The following DENR variants were observed in gnomAD, a reference collection of about 807,000 sequenced individuals.
DENR encodes the protein density regulated re-initiation and release factor.
In DENR, 6 loss-of-function variants were observed where a neutral mutation model predicts 30.6. The observed-to-expected ratio is 0.20, with a 90% CI of 0.11 to 0.39. The LOEUF (loss-of-function observed/expected upper bound fraction) is 0.39, where lower values mean the gene tolerates loss of function less well. Ranked by LOEUF, DENR falls within the 10% of genes least tolerant of loss-of-function variation. DENR has a pLI of 1.00. For synonymous variants in DENR, 78 were observed against 72.1 expected (o/e 1.08, Z -0.41); for missense variants, 141 against 230.9 (o/e 0.61, Z 2.52).
intron 2 of DENR, 177 bp downstream of exon 2, chr12:122,753,984 ATTTGTGTCTG>A: frequency 1.6e-6 from 1 of 628,954 alleles, no homozygotes; most frequent in Non-Finnish European, 2.9e-6. Flanking sequence ...CACCTGGGTG[ATTTGTGTCTG>A]GCTACTCTGC....
intron 2 of DENR, among the ~76,000 whole-genome samples, chr12:122,757,712 G>A (rs185495278): frequency 6.6e-6 from 1 of 152,286 alleles, no homozygotes; most frequent in East Asian, 1.9e-4. Flanking sequence ...TGGACCATGG[G>A]CTGGTAGGAG....
chr12:122,769,226 A>G lies in DENR; in HGVS notation c.*148A>G, dbSNP rs1878940625. 1.2e-6 allele frequency: 1 copy of G among 834,530 alleles called. No homozygotes were observed. Among genetic ancestry groups the G allele is most frequent in the Non-Finnish European group, 1.5e-6 (1 of 657,220 alleles). 51.7% of individuals were successfully genotyped at this position (834,530 alleles called of 1,614,324 possible). ...TATACACATATACACATGTATATAT[A>G]CATGTGTGTATGTATACATGTATAT... On this transcript the variant is annotated 3_prime_UTR_variant, in exon 8 of 8. Transcript: ENST00000280557.
chr12:122,753,002 G>A (rs1878448543), intron 1 of DENR, 52 bp downstream of exon 1: 2 of 152,814 alleles, frequency 1.3e-5, no homozygotes, highest in South Asian at 4.1e-4. Context: ...AGAGAGTGTG[G>A]GGGAAGCTGA....
intron 4 of DENR, among the ~76,000 whole-genome samples, chr12:122,764,143 A>G (rs1032022236): frequency 1.3e-5 from 2 of 152,174 alleles, no homozygotes; most frequent in African/African-American, 4.8e-5. Context: ...GAAGGACCGG[A>G]GAAGAGTTTG....
rs1879009167 is a variant in DENR, at chr12:122,770,567, A to T, written c.*1489A>T. 7.5e-6 allele frequency: 3 copies of T among 398,422 alleles called. No homozygotes were observed. The Admixed American group carries it at 1.3e-4, about 18-fold the overall frequency. The allele number at this position is 398,422 out of a possible 1,614,324, so 24.7% of individuals were successfully genotyped here. On this transcript the variant is annotated 3_prime_UTR_variant, in exon 8 of 8. Coordinates refer to ENST00000280557, the MANE Select transcript of DENR (RefSeq NM_003677.5). ...TATAGTCCTGGAAATAGCAATTGAA[A>T]CATGTCTTCTCACAAGAGAAAATGA...
At position 122,769,241 on chromosome 12, in the gene DENR, T is replaced by TACACATATAC. The variant is rs1566061521; in HGVS notation, c.*166_*167insCATATACACA. 1.3e-4 allele frequency: 81 copies of TACACATATAC among 637,016 alleles called. No homozygotes were observed. The highest frequency in any genetic ancestry group is 8.4e-4 in the Admixed American group (6 of 7,140). 39.5% of individuals were successfully genotyped at this position (637,016 alleles called of 1,614,324 possible). On this transcript the variant is annotated 3_prime_UTR_variant, in exon 8 of 8. Coordinates refer to ENST00000280557, the MANE Select transcript of DENR (RefSeq NM_003677.5). ...ATGTATATATACATGTGTGTATGTA[T>TACACATATAC]ACATGTATATATATATACATACACA...
chr12:122,768,672 A>G (rs1593765108), intron 6 of DENR, 110 bp from the exon 7 acceptor site: 2 of 1,004,318 alleles, frequency 2.0e-6, no homozygotes, highest in East Asian at 2.6e-5. Context: ...TATAAAACCC[A>G]TTAACAATCT....
chr12:122,759,695 T>C (rs1878644500), intron 2 of DENR, among the ~76,000 whole-genome samples: 1 of 151,992 alleles, frequency 6.6e-6, no homozygotes. Context: ...CACTCCAGCC[T>C]GGGCAACAGA....
At chr12:122,767,364 T>A (rs906508150) in intron 5 of DENR, 124 bp from the exon 6 acceptor site, 2 of 618,292 alleles carry the variant, frequency 3.2e-6, no homozygotes, top group Non-Finnish European at 5.4e-6. Flanking sequence ...AATACTTGGA[T>A]GTGTTTAGTA....
chr12:122,762,082 G>T, intron 2 of DENR, 105 bp from the exon 3 acceptor site: 1 of 753,528 alleles, frequency 1.3e-6, no homozygotes, highest in Non-Finnish European at 2.0e-6. Flanking sequence ...TAGGGAAAAT[G>T]TAAAAATGAA....
At chr12:122,755,000 A>G (rs1238551347) in intron 2 of DENR, among the ~76,000 whole-genome samples, 3 of 152,246 alleles carry the variant, frequency 2.0e-5, no homozygotes, top group Non-Finnish European at 4.4e-5. Context: ...TTTGAGAAAG[A>G]TTAGATTTGG....
chr12:122,753,998 A>G, intron 2 of DENR, 191 bp downstream of exon 2: 1 of 608,146 alleles, frequency 1.6e-6, no homozygotes, highest in Non-Finnish European at 3.0e-6. Context: ...GTGTCTGGCT[A>G]CTCTGCCTGA....
rs372976475 is a variant in DENR, at chr12:122,766,884, A to G, written c.296-604A>G. Among the ~76,000 whole-genome samples, 13 of 152,310 alleles carry G rather than the reference A, an allele frequency of 8.5e-5. No homozygotes were observed. The South Asian group carries it at 1.4e-3, about 17-fold the overall frequency. On this transcript the variant is annotated intron_variant, in intron 5 of 7. Transcript: ENST00000280557. ...TTACTCTTCACAGATCCACCGAAAC[A>G]CAGATCCAGTGACTGCTATGTATGT...
chr12:122,753,200 C>G (rs1351974847), intron 1 of DENR, among the ~76,000 whole-genome samples: 1 of 152,106 alleles, frequency 6.6e-6, no homozygotes, highest in Non-Finnish European at 1.5e-5. Context: ...CGCCCCCTCC[C>G]ATGCCCTTTT....
intron 2 of DENR, among the ~76,000 whole-genome samples, chr12:122,754,908 A>G (rs1210762802): frequency 2.0e-5 from 3 of 152,216 alleles, no homozygotes; most frequent in Non-Finnish European, 4.4e-5. Flanking sequence ...AAGAAAAGAT[A>G]CAATGTTTAA....
chr12:122,757,567 T>A (rs1878582939), intron 2 of DENR, among the ~76,000 whole-genome samples: 1 of 152,200 alleles, frequency 6.6e-6, no homozygotes, highest in South Asian at 2.1e-4. Flanking sequence ...GCTTCTCAAT[T>A]GTATAAGTGG....
chr12:122,769,215 CAT>C lies in DENR; in HGVS notation c.*138_*139del, dbSNP rs1270505479. 11 of 835,912 alleles carry C rather than the reference CAT, an allele frequency of 1.3e-5. No homozygotes were observed. The highest frequency in any genetic ancestry group is 2.3e-5 in the African/African-American group (1 of 44,242). 51.8% of individuals were successfully genotyped at this position (835,912 alleles called of 1,614,324 possible). A position where few individuals can be genotyped will look rare whatever the true frequency, so the allele number is the denominator to read the frequency against. ...ATATATGTATGTATACACATATACA[CAT>C]GTATATATACATGTGTGTATGTATA... is the stretch of plus-strand genomic sequence containing the variant. On this transcript the variant is annotated 3_prime_UTR_variant, in exon 8 of 8. Coordinates refer to ENST00000280557, the MANE Select transcript of DENR (RefSeq NM_003677.5).
chr12:122,770,797 A>G lies in DENR; in HGVS notation c.*1719A>G, dbSNP rs1456864716. ...TAGAAAAATGTGTAGTAAAGATGTA[A>G]AATTAAAAAATGGAATTCTCCATTA... On this transcript the variant is annotated 3_prime_UTR_variant, in exon 8 of 8. Transcript: ENST00000280557. 6 of 398,298 alleles carry G rather than the reference A, an allele frequency of 1.5e-5. No individual in the cohort carries two copies. Among genetic ancestry groups the G allele is most frequent in the Non-Finnish European group, 2.7e-5 (6 of 225,958 alleles). The allele number at this position is 398,298 out of a possible 1,614,324, so 24.7% of individuals were successfully genotyped here.
chr12:122,762,407 C>T (rs1878724918), intron 3 of DENR, among the ~76,000 whole-genome samples: 2 of 152,058 alleles, frequency 1.3e-5, no homozygotes, highest in Non-Finnish European at 2.9e-5. Flanking sequence ...CATACATGTG[C>T]ATCTTTTGCA....
Sources: gnomAD v4.1 joint callset for allele counts (sites outside exome capture counted in the v4.1 genomes callset) on GRCh38, gnomAD v4.1.1 for gene constraint, MANE v1.5 for transcripts, NCBI Gene and HGNC (gene_info 2026-07-23, HGNC 2026-07-21) for gene names.